H3C4: variants seen among roughly 807,000 people sequenced by gnomAD.
The protein encoded by H3C4 is H3 clustered histone 4.
A neutral mutation model predicts 8.7 loss-of-function variants in H3C4; 10 were observed. That is an observed-to-expected ratio of 1.15 (90% CI 0.71 to 1.96). The LOEUF (loss-of-function observed/expected upper bound fraction) is 1.96. Ranked by LOEUF, H3C4 falls within the 30% of genes most tolerant of loss-of-function variation. H3C4 has a pLI of 0.00. For synonymous variants in H3C4, 141 were observed against 80.1 expected (o/e 1.76, Z -4.06); for missense variants, 216 against 192.9 (o/e 1.12, Z -0.71).
upstream of H3C4, among the ~76,000 whole-genome samples, chr6:26,198,592 A>G (rs1219948520): frequency 1.3e-5 from 2 of 152,208 alleles, no homozygotes; most frequent in African/African-American, 4.8e-5. Flanking sequence ...TTGGCCTTCC[A>G]AAGTCCTGGG....
chr6:26,196,869 C>T lies in H3C4; in HGVS notation c.382G>A (p.Ala128Thr), dbSNP rs761740488. The T allele has an allele frequency of 2.5e-6, 4 of 1,614,218 alleles. No individual in the cohort carries two copies. The highest frequency in any genetic ancestry group is 3.4e-6 in the Non-Finnish European group (4 of 1,180,036). Residue 128 changes from alanine to threonine, a missense_variant, in exon 1 of 1, where the codon GCT becomes ACT. Ala to Thr is a moderately conservative substitution (Grantham distance 58). Coordinates refer to ENST00000356476, the MANE Select transcript of H3C4 (RefSeq NM_001376937.1). ...VTIMPKDIQL[A>T]RRIRGERA ...GCCCTCTCCCCACGAATGCGGCGAG[C>T]AAGCTGGATGTCCTTGGGCATGATA...
At chr6:26,198,421 T>A (rs538646131), upstream of H3C4, among the ~76,000 whole-genome samples, 1 of 152,334 alleles carries the variant, frequency 6.6e-6, no homozygotes, top group Admixed American at 6.5e-5. Flanking sequence ...AACCTCCGCC[T>A]CCGGGGTTCA....
rs371807167 is a variant in H3C4 at position 26,196,892 on chromosome 6, A to G, written c.359T>C (p.Ile120Thr). 7 of 1,614,108 alleles carry G rather than the reference A, an allele frequency of 4.3e-6. No homozygotes were observed. The African/African-American group carries it at 5.3e-5, about 12-fold the overall frequency. ...AGCAAGCTGGATGTCCTTGGGCATG[A>G]TAGTCACTCGCTTGGCGTGAATGGC... ...LCAIHAKRVT[I>T]MPKDIQLARR... is the part of the protein sequence containing the mutation. The change falls in exon 1 of 1, where the codon ATC becomes ACC. Residue 120 changes from isoleucine to threonine, a missense_variant. Transcript: ENST00000356476.
Position 26,197,240 on chromosome 6 carries a change from G to C in H3C4, c.11C>G (p.Thr4Ser). 6.2e-7 allele frequency: 1 copy of C among 1,611,674 alleles called. No homozygotes were observed. The highest frequency in any genetic ancestry group is 8.5e-7 in the Non-Finnish European group (1 of 1,179,406). Residue 4 changes from threonine (T) to serine (S), a missense_variant, in exon 1 of 1, where the codon ACC (threonine) becomes AGC (serine). Physicochemically the swap from Thr to Ser is moderately conservative, Grantham distance 58. Transcript: ENST00000356476. The stretch of plus-strand genomic sequence containing the variant: ...CGTGGACTTGCGAGCAGTCTGCTTG[G>C]TACGAGCCATTGCGAACTTCTAAAC... The part of the protein sequence containing the change: MAR[T>S]KQTARKSTGG...
chr6:26,198,078 A>C (rs1561981100), upstream of H3C4, among the ~76,000 whole-genome samples: 1 of 152,176 alleles, frequency 6.6e-6, no homozygotes, highest in Non-Finnish European at 1.5e-5. Context: ...AAACAAACCC[A>C]AAAAATACTT....
At chr6:26,199,217 T>G (rs1411823810), upstream of H3C4, 4 of 1,606,540 alleles carry the variant, frequency 2.5e-6, no homozygotes, top group Admixed American at 7.0e-5. Context: ...CTCGGGCCTT[T>G]CCGCCTTGCT....
upstream of H3C4, among the ~76,000 whole-genome samples, chr6:26,197,723 A>G (rs1051953439): frequency 2.6e-5 from 4 of 152,176 alleles, no homozygotes; most frequent in Non-Finnish European, 5.9e-5. Flanking sequence ...ATTTTCAATA[A>G]TTTGTTCCAA....
upstream of H3C4, among the ~76,000 whole-genome samples, chr6:26,198,453 T>C (rs996857285): frequency 6.6e-6 from 1 of 152,142 alleles, no homozygotes; most frequent in African/African-American, 2.4e-5. Context: ...TGCCTCAACC[T>C]CTTAAATAGC....
chr6:26,199,220 G>A (rs748398521), upstream of H3C4: 25 of 1,605,836 alleles, frequency 1.6e-5, no homozygotes, highest in East Asian at 3.3e-4. Context: ...GGGCCTTTCC[G>A]CCTTGCTTGC....
upstream of H3C4, among the ~76,000 whole-genome samples, chr6:26,197,532 G>A (rs1029857641): frequency 1.3e-5 from 2 of 152,044 alleles, no homozygotes; most frequent in Non-Finnish European, 2.9e-5. Flanking sequence ...TGGCAAAATT[G>A]TGTCTAGCTA....
upstream of H3C4, among the ~76,000 whole-genome samples, chr6:26,198,044 A>C (rs543195277): frequency 1.3e-5 from 2 of 152,322 alleles, no homozygotes; most frequent in South Asian, 4.1e-4. Context: ...GGGTTAGCTC[A>C]GTAGAGTTGA....
chr6:26,199,220 G>C, upstream of H3C4: 2 of 1,605,954 alleles, frequency 1.2e-6, no homozygotes, highest in African/African-American at 1.3e-5. Context: ...GGGCCTTTCC[G>C]CCTTGCTTGC....
upstream of H3C4, among the ~76,000 whole-genome samples, chr6:26,198,113 A>AT (rs1171933360): frequency 1.3e-5 from 2 of 152,208 alleles, no homozygotes; most frequent in African/African-American, 4.8e-5. Context: ...ATTTCGTATC[A>AT]TTAAGATGCA....
At chr6:26,197,784 G>C (rs1288139851), upstream of H3C4, among the ~76,000 whole-genome samples, 2 of 147,442 alleles carry the variant, frequency 1.4e-5, no homozygotes, top group African/African-American at 2.5e-5. Flanking sequence ...CTGATGTTAA[G>C]CTACATGAAC....
upstream of H3C4, chr6:26,199,061 G>C (rs938946941): frequency 1.9e-6 from 3 of 1,614,086 alleles, no homozygotes; most frequent in African/African-American, 2.7e-5. Flanking sequence ...CCAGGATCTC[G>C]GCGGTCAGGT....
At chr6:26,199,123 A>G, upstream of H3C4, 3 of 1,614,160 alleles carry the variant, frequency 1.9e-6, no homozygotes, top group South Asian at 2.2e-5. Context: ...ACTCGCTCGG[A>G]GTAGTTGCCC....
upstream of H3C4, chr6:26,198,896 C>G (rs1765053232): frequency 6.2e-7 from 1 of 1,614,226 alleles, no homozygotes; most frequent in Non-Finnish European, 8.5e-7. Context: ...TCTTGGGGAG[C>G]AGTACAGCCT....
chr6:26,196,902 G>A lies in H3C4; in HGVS notation c.349C>T (p.Arg117Ter). The A allele has an allele frequency of 1.9e-6, 3 of 1,614,226 alleles. No homozygotes were observed. Among genetic ancestry groups the A allele is most frequent in the Non-Finnish European group, 1.7e-6 (2 of 1,180,042 alleles). ...ATGTCCTTGGGCATGATAGTCACTCGCTTGGCGTGAATGGCGCATAGGTTG... is the reference window on the plus strand; with the variant it reads ...ATGTCCTTGGGCATGATAGTCACTCACTTGGCGTGAATGGCGCATAGGTTG... Reference protein sequence around the residue: ...DTNLCAIHAKRVTIMPKDIQL... With the variant: ...DTNLCAIHAK The change falls in exon 1 of 1, where the codon CGA becomes TGA. Residue 117 changes from arginine (R) to a stop codon, truncating the protein, a stop_gained. Transcript: ENST00000356476. LOFTEE classifies it high-confidence loss of function.
upstream of H3C4, among the ~76,000 whole-genome samples, chr6:26,198,496 A>G (rs553624023): frequency 2.7e-3 from 415 of 152,108 alleles, 3 homozygotes; most frequent in Admixed American, 9.0e-3. Context: ...CACGCCCGAC[A>G]AATTTTTTTA....
Sources: allele counts gnomAD v4.1 joint callset (sites outside exome capture counted in the v4.1 genomes callset), GRCh38; gene constraint gnomAD v4.1.1; transcripts MANE v1.5; gene names NCBI Gene and HGNC (gene_info 2026-07-23, HGNC 2026-07-21).